Variants in SEC23A observed in about 807,000 individuals in gnomAD.
SEC23A encodes protein transport protein Sec23A.
In SEC23A, 56 loss-of-function variants were observed where a neutral mutation model predicts 103.7. That is an observed-to-expected ratio of 0.54 (90% CI 0.44 to 0.67). The LOEUF is 0.67. SEC23A is among the 30% of genes least tolerant of loss of function. The probability of loss-of-function intolerance (pLI) is 0.00; values close to 1 mark genes in which losing one functional copy is unlikely to be tolerated. For missense variants in SEC23A, 784 were observed against 936.4 expected (o/e 0.84, Z 2.12); for synonymous variants, 281 against 293.0 (o/e 0.96, Z 0.42).
At chr14:39,096,192 C>G in intron 1 of SEC23A, 53 bp from the exon 2 acceptor site, 3 of 1,195,658 alleles carry the variant, frequency 2.5e-6, no homozygotes, top group Non-Finnish European at 3.7e-6. Flanking sequence ...TAAGAACGTT[C>G]AAAATATGAA....
At chr14:39,069,633 T>C (rs1431360830) in intron 9 of SEC23A, among the ~76,000 whole-genome samples, 1 of 151,802 alleles carries the variant, frequency 6.6e-6, no homozygotes, top group Non-Finnish European at 1.5e-5. Flanking sequence ...CCAATTTTTG[T>C]ATTTTTGGTA....
chr14:39,091,650 A>T lies in SEC23A; in HGVS notation c.430T>A (p.Leu144Ile). ...VVDTCMEDED[L>I]QALKESMQMS... is the part of the protein sequence containing the mutation. ...TGCATGGATTCTTTCAGGGCTTGTAAATCTTCATCTTCCATGCAAGTATCA... is the reference window on the plus strand; with the variant it reads ...TGCATGGATTCTTTCAGGGCTTGTATATCTTCATCTTCCATGCAAGTATCA... Residue 144 changes from leucine to isoleucine, a missense_variant, in exon 5 of 20, where the codon TTA becomes ATA. Around this residue, in one of 2 missense-constraint regions of SEC23A, gnomAD observed 683 missense variants for 774.2 expected, o/e 0.88. Transcript: ENST00000307712. 1 of 1,614,078 alleles carries T rather than the reference A, an allele frequency of 6.2e-7. No homozygotes were observed. The highest frequency in any genetic ancestry group is 8.5e-7 in the Non-Finnish European group (1 of 1,179,964).
chr14:39,033,997 A>T (rs1260940668), intron 19 of SEC23A, among the ~76,000 whole-genome samples: 1 of 152,232 alleles, frequency 6.6e-6, no homozygotes, highest in Admixed American at 6.5e-5. Flanking sequence ...AAAACAGGGA[A>T]ATTAAGTAAT....
intron 14 of SEC23A, among the ~76,000 whole-genome samples, chr14:39,052,595 G>A (rs1329451575): frequency 6.6e-6 from 1 of 152,094 alleles, no homozygotes; most frequent in Non-Finnish European, 1.5e-5. Flanking sequence ...CTGGCAAAAT[G>A]GAAAAAGCCC....
intron 1 of SEC23A, among the ~76,000 whole-genome samples, chr14:39,102,800 T>A (rs116688274): frequency 3.1e-3 from 477 of 152,252 alleles, no homozygotes; most frequent in African/African-American, 0.011. Flanking sequence ...GTTTTCCACA[T>A]CTTTCCACCT....
intron 1 of SEC23A, among the ~76,000 whole-genome samples, chr14:39,101,163 A>T (rs942418219): frequency 5.7e-4 from 87 of 152,134 alleles, no homozygotes; most frequent in African/African-American, 1.9e-3. Context: ...TATTTTTTTT[A>T]AAAAGTGATA....
At chr14:39,060,873 C>A (rs1169698006) in intron 13 of SEC23A, among the ~76,000 whole-genome samples, 2 of 152,134 alleles carry the variant, frequency 1.3e-5, no homozygotes, top group Non-Finnish European at 1.5e-5. Flanking sequence ...GGGGACCCTG[C>A]CTATATCAAT....
At chr14:39,047,596 CAATATT>C (rs1273991559) in intron 15 of SEC23A, among the ~76,000 whole-genome samples, 2 of 152,082 alleles carry the variant, frequency 1.3e-5, no homozygotes, top group African/African-American at 4.8e-5. Context: ...TTCCACATCT[CAATATT>C]AATCATCCTT....
chr14:39,065,130 A>C (rs150952851), intron 10 of SEC23A, 137 bp from the exon 11 acceptor site: 1 of 700,754 alleles, frequency 1.4e-6, no homozygotes, highest in African/African-American at 1.8e-5. Flanking sequence ...ATGAAAAATA[A>C]TCAATCAATA....
intron 3 of SEC23A, 173 bp from the exon 4 acceptor site, chr14:39,092,800 T>G (rs1181907924): frequency 8.6e-6 from 5 of 581,522 alleles, no homozygotes; most frequent in Middle Eastern, 4.7e-4. Flanking sequence ...ACATGACTAG[T>G]ATTTTGGCAT....
chr14:39,045,238 C>T lies in SEC23A; in HGVS notation c.1824G>A (p.Met608Ile). Residue 608 changes from methionine (M) to isoleucine (I), a missense_variant, in exon 16 of 20, where the codon ATG becomes ATA. Around this residue, in one of 2 missense-constraint regions of SEC23A, gnomAD observed 683 missense variants for 774.2 expected, o/e 0.88. Transcript: ENST00000307712. ...DESSYYRHHF[M>I]RQDLTQSLIM... is the part of the protein sequence containing the mutation. ...TTAGAGACTGGGTCAGATCTTGACGCATAAAATGGTGACGATAATATGAAC... is the reference window on the plus strand; with the variant it reads ...TTAGAGACTGGGTCAGATCTTGACGTATAAAATGGTGACGATAATATGAAC... 17 of 1,613,048 alleles carry T rather than the reference C, an allele frequency of 1.1e-5. No homozygotes were observed. Among genetic ancestry groups the T allele is most frequent in the Non-Finnish European group, 1.4e-5 (17 of 1,179,436 alleles).
At chr14:39,040,464 C>A (rs557462468) in intron 18 of SEC23A, 27 of 477,488 alleles carry the variant, frequency 5.7e-5, no homozygotes, top group African/African-American at 4.9e-4. Context: ...AGCTAGTATA[C>A]CACCACAATG....
Position 39,085,750 on chromosome 14 carries a change from C to A in SEC23A, c.828+12G>T, listed in dbSNP as rs373725674. On this transcript the variant is annotated intron_variant, in intron 7 of 19. Transcript: ENST00000307712. ...CACACTTTACATTCCAAAACAAAAC[C>A]ATCTTCCCTACCTCCAGCAGTCCTA... 3 of 1,577,386 alleles carry A rather than the reference C, an allele frequency of 1.9e-6. No individual in the cohort carries two copies. The highest frequency in any genetic ancestry group is 2.6e-6 in the Non-Finnish European group (3 of 1,159,254).
At chr14:39,094,371 TATACACAC>T (rs1225881555) in intron 2 of SEC23A, among the ~76,000 whole-genome samples, 1,010 of 15,818 alleles carry the variant, frequency 0.064, 214 homozygotes, top group African/African-American at 0.22. Context: ...TACATATATA[TATACACAC>T]ACACACACAC....
At chr14:39,055,004 G>A in intron 14 of SEC23A, 139 bp downstream of exon 14, 1 of 927,164 alleles carries the variant, frequency 1.1e-6, no homozygotes, top group Non-Finnish European at 1.7e-6. Context: ...CTGTGCTACT[G>A]TCTCAGTAAT....
chr14:39,061,734 G>A, intron 13 of SEC23A, 31 bp downstream of exon 13: 1 of 1,492,846 alleles, frequency 6.7e-7, no homozygotes, highest in Non-Finnish European at 9.3e-7. Context: ...CCTGTGATAT[G>A]AAAATCAAAT....
Position 39,087,135 on chromosome 14 carries a change from C to A in SEC23A, c.604-127G>T, listed in dbSNP as rs542598691. Reference sequence around the variant, plus strand: ...AAAATAAAAAATACAAGGTCTCCTTCCTCAGAAAACAAAGAATCCAGTGGG... The same window carrying A: ...AAAATAAAAAATACAAGGTCTCCTTACTCAGAAAACAAAGAATCCAGTGGG... On this transcript the variant is annotated intron_variant, in intron 5 of 19. Coordinates refer to ENST00000307712, the MANE Select transcript of SEC23A (RefSeq NM_006364.4). The A allele has an allele frequency of 1.9e-5, 13 of 676,578 alleles. No individual in the cohort carries two copies. The African/African-American group carries it at 2.0e-4, about 10-fold the overall frequency. The allele number at this position is 676,578 out of a possible 1,614,324, so 41.9% of individuals were successfully genotyped here.
chr14:39,033,464 T>C, intron 19 of SEC23A, 136 bp from the exon 20 acceptor site: 1 of 181,190 alleles, frequency 5.5e-6, no homozygotes, highest in South Asian at 5.1e-5. Context: ...CTAACTGGCC[T>C]CCGTCCCTGG....
intron 18 of SEC23A, 144 bp downstream of exon 18, chr14:39,040,588 A>C (rs1415942311): frequency 4.9e-6 from 5 of 1,015,078 alleles, no homozygotes; most frequent in Non-Finnish European, 7.6e-6. Flanking sequence ...TAATGCAAAA[A>C]GTAAGCACTG....
Sources: gnomAD v4.1 joint callset for allele counts (sites outside exome capture counted in the v4.1 genomes callset) on GRCh38, gnomAD v4.1.1 for gene constraint, gnomAD v4.1.1 regional missense constraint, MANE v1.5 for transcripts, NCBI Gene and HGNC (gene_info 2026-07-23, HGNC 2026-07-21) for gene names.